PAPPA: variants seen among roughly 807,000 people sequenced by gnomAD.
PAPPA encodes the protein pappalysin 1.
PAPPA carries 60 observed loss-of-function variants against 164.0 expected under a neutral mutation model. The ratio of observed to expected loss-of-function variants is 0.37; its 90% CI spans 0.30 to 0.45. PAPPA has a LOEUF of 0.45. Among genes scored for constraint, PAPPA ranks in the 20% least tolerant of loss-of-function variants. PAPPA has a pLI of 1.00. For synonymous variants in PAPPA, 875 were observed against 814.1 expected, an observed-to-expected ratio of 1.07 and a Z score of -1.27; for missense variants, 1,782 against 2,087.3, an observed-to-expected ratio of 0.85 and a Z score of 2.85.
intron 2 of PAPPA, among the ~76,000 whole-genome samples, chr9:116,204,075 G>T (rs1009095546): frequency 2.6e-5 from 4 of 152,136 alleles, no homozygotes; most frequent in African/African-American, 9.7e-5. Flanking sequence ...AGGAGACCAG[G>T]ATATGGGGGG....
At chr9:116,250,054 T>C (rs1224262661) in intron 7 of PAPPA, among the ~76,000 whole-genome samples, 1 of 147,424 alleles carries the variant, frequency 6.8e-6, no homozygotes, top group Admixed American at 6.7e-5. Context: ...TGTGTGTGTT[T>C]GGAGCAGGCA....
chr9:116,332,427 G>A lies in PAPPA; in HGVS notation c.3356G>A (p.Ser1119Asn), dbSNP rs1300089190. 1 of 1,613,980 alleles carries A rather than the reference G, an allele frequency of 6.2e-7. No individual in the cohort carries two copies. The highest frequency in any genetic ancestry group is 1.7e-5 in the Admixed American group (1 of 60,024). ...YYGDQKQETI[S>N]VQLLDTKDQS... ...GGGGACCAAAAGCAGGAGACCATCAGCGTGCAGCTGCTTGATACCAAAGAT... is the reference window on the plus strand; with the variant it reads ...GGGGACCAAAAGCAGGAGACCATCAACGTGCAGCTGCTTGATACCAAAGAT... The change falls in exon 12 of 22, where the codon AGC (serine) becomes AAC (asparagine). Residue 1119 changes from serine (S) to asparagine (N), a missense_variant. This residue lies in a region of PAPPA where 1,324 missense variants were observed against 1,656.9 expected (regional missense o/e 0.80). Transcript: ENST00000328252.
At chr9:116,283,310 C>G (rs1845289539) in intron 9 of PAPPA, among the ~76,000 whole-genome samples, 1 of 152,154 alleles carries the variant, frequency 6.6e-6, no homozygotes, top group Admixed American at 6.5e-5. Flanking sequence ...TGGAAAGCCT[C>G]TGGTGCAGGG....
At chr9:116,292,082 C>T (rs1040520854) in intron 9 of PAPPA, among the ~76,000 whole-genome samples, 16 of 151,984 alleles carry the variant, frequency 1.1e-4, no homozygotes, top group Admixed American at 2.0e-4. Flanking sequence ...CTTGTTGTGT[C>T]GATAGATGTC....
intron 1 of PAPPA, among the ~76,000 whole-genome samples, chr9:116,155,206 G>T (rs1051480605): frequency 6.6e-6 from 1 of 152,130 alleles, no homozygotes; most frequent in African/African-American, 2.4e-5. Flanking sequence ...GGGCTGGGAC[G>T]AGACCTTCCT....
chr9:116,170,660 T>G (rs1300455554), intron 1 of PAPPA, among the ~76,000 whole-genome samples: 1 of 143,754 alleles, frequency 7.0e-6, no homozygotes, highest in Non-Finnish European at 1.5e-5. Flanking sequence ...TTTCCTTCCA[T>G]CCACCCTTCC....
intron 9 of PAPPA, among the ~76,000 whole-genome samples, chr9:116,284,943 AT>A (rs1845314277): frequency 6.6e-6 from 1 of 151,920 alleles, no homozygotes; most frequent in East Asian, 1.9e-4. Flanking sequence ...TTGCTTGTTC[AT>A]TTTTTTGCTT....
chr9:116,340,760 C>T (rs1468780652), intron 13 of PAPPA, among the ~76,000 whole-genome samples: 2 of 152,156 alleles, frequency 1.3e-5, no homozygotes, highest in Non-Finnish European at 2.9e-5. Context: ...TTAGCCCCTT[C>T]TGGAAATTTT....
chr9:116,220,231 C>G, intron 5 of PAPPA, 102 bp downstream of exon 5: 1 of 867,476 alleles, frequency 1.2e-6, no homozygotes, highest in Middle Eastern at 2.3e-4. Flanking sequence ...TACTGCATTT[C>G]TTGTTCTTGT....
At chr9:116,341,497 GAT>G (rs1337567182) in intron 13 of PAPPA, among the ~76,000 whole-genome samples, 1 of 152,274 alleles carries the variant, frequency 6.6e-6, no homozygotes, top group African/African-American at 2.4e-5. Context: ...TAGTAGTTTA[GAT>G]GTCCCTTCCT....
chr9:116,296,812 T>A (rs1350400898), intron 9 of PAPPA, among the ~76,000 whole-genome samples: 2 of 152,074 alleles, frequency 1.3e-5, no homozygotes, highest in Non-Finnish European at 2.9e-5. Context: ...GATGGTCTTG[T>A]ATGCCAAGCT....
chr9:116,249,977 G>A lies in PAPPA; in HGVS notation c.2732+14340G>A, dbSNP rs145059688. 3.5e-3 allele frequency among the ~76,000 whole-genome samples: 538 copies of A among 152,090 alleles called. 6 individuals are homozygous for A. The highest frequency in any genetic ancestry group is 0.013 in the African/African-American group (521 of 41,488). Reference sequence around the variant, plus strand: ...CATATGCATGTTTGTATGCATGTGTGTGTGTGCATGTACATGCATGCATGA... The same window carrying A: ...CATATGCATGTTTGTATGCATGTGTATGTGTGCATGTACATGCATGCATGA... On this transcript the variant is annotated intron_variant, in intron 7 of 21. Coordinates refer to ENST00000328252, the MANE Select transcript of PAPPA (RefSeq NM_002581.5).
At chr9:116,285,098 G>A (rs1053672168) in intron 9 of PAPPA, among the ~76,000 whole-genome samples, 5 of 150,962 alleles carry the variant, frequency 3.3e-5, no homozygotes, top group East Asian at 3.9e-4. Context: ...AAGACCTTGC[G>A]TGATCTGAGC....
intron 1 of PAPPA, among the ~76,000 whole-genome samples, chr9:116,175,377 T>C (rs1371972511): frequency 6.6e-6 from 1 of 152,202 alleles, no homozygotes; most frequent in Admixed American, 6.5e-5. Context: ...AAATAGATTT[T>C]AAGTGTTCTC....
At chr9:116,163,211 G>A (rs1374137950) in intron 1 of PAPPA, among the ~76,000 whole-genome samples, 1 of 152,150 alleles carries the variant, frequency 6.6e-6, no homozygotes, top group Non-Finnish European at 1.5e-5. Flanking sequence ...AAATGAATAA[G>A]CATATATATC....
chr9:116,298,696 A>G (rs1845541079), intron 9 of PAPPA, among the ~76,000 whole-genome samples: 1 of 152,204 alleles, frequency 6.6e-6, no homozygotes, highest in South Asian at 2.1e-4. Context: ...ACAAATATTT[A>G]TTGAAAGTGT....
At chr9:116,175,253 G>A (rs1033631577) in intron 1 of PAPPA, among the ~76,000 whole-genome samples, 3 of 152,144 alleles carry the variant, frequency 2.0e-5, no homozygotes, top group African/African-American at 7.2e-5. Context: ...AGTACCAAGA[G>A]GAGCGTTTGA....
At chr9:116,247,235 AG>A (rs1294136957) in intron 7 of PAPPA, among the ~76,000 whole-genome samples, 2 of 152,192 alleles carry the variant, frequency 1.3e-5, no homozygotes, top group Non-Finnish European at 2.9e-5. Context: ...CAATTCTGAG[AG>A]GGAAAAAGAG....
intron 19 of PAPPA, among the ~76,000 whole-genome samples, chr9:116,377,000 G>A (rs1846662215): frequency 6.6e-6 from 1 of 152,110 alleles, no homozygotes; most frequent in African/African-American, 2.4e-5. Flanking sequence ...AGAGTCTCAG[G>A]GCCTGGTCTC....
Sources: allele counts gnomAD v4.1 joint callset (sites outside exome capture counted in the v4.1 genomes callset), GRCh38; gene constraint gnomAD v4.1.1; regional missense constraint gnomAD v4.1.1; transcripts MANE v1.5; gene names NCBI Gene and HGNC (gene_info 2026-07-23, HGNC 2026-07-21).